PCDHGA8: variants seen among roughly 807,000 people sequenced by gnomAD.
The protein encoded by PCDHGA8 is protocadherin gamma-A8.
Under a neutral mutation model 59.2 loss-of-function variants are expected in PCDHGA8, and 45 were observed. That is an observed-to-expected ratio of 0.76 (90% CI 0.60 to 0.98). The LOEUF is 0.98. Ranked by LOEUF, PCDHGA8 falls within the 50% of genes least tolerant of loss-of-function variation. PCDHGA8 has a pLI of 0.00. For synonymous variants in PCDHGA8, 531 were observed against 519.0 expected, an observed-to-expected ratio of 1.02 and a Z score of -0.32; for missense variants, 1,257 against 1,196.2, an observed-to-expected ratio of 1.05 and a Z score of -0.75.
intron 1 of PCDHGA8, among the ~76,000 whole-genome samples, chr5:141,439,208 C>A: frequency 6.6e-6 from 1 of 151,294 alleles, no homozygotes. Flanking sequence ...AAAAAAAATC[C>A]ATATGTGAAA....
intron 1 of PCDHGA8, among the ~76,000 whole-genome samples, chr5:141,402,221 G>A (rs567791316): frequency 1.3e-5 from 2 of 151,942 alleles, no homozygotes; most frequent in Admixed American, 6.5e-5. Context: ...TAAAATAAAC[G>A]TTTTTCCAGG....
chr5:141,419,936 G>T, intron 1 of PCDHGA8: 2 of 1,614,074 alleles, frequency 1.2e-6, no homozygotes, highest in Non-Finnish European at 1.7e-6. Context: ...GTTTTACCTG[G>T]TGGTGGCCTT....
chr5:141,475,981 G>A, intron 1 of PCDHGA8: 1 of 1,042,940 alleles, frequency 9.6e-7, no homozygotes, highest in Non-Finnish European at 1.4e-6. Context: ...CTGAACAGCC[G>A]GCGAGCAAAT....
At position 141,489,754 on chromosome 5, in the gene PCDHGA8, C is replaced by G; in HGVS notation, c.2425-5053C>G. 1 of 1,614,110 alleles carries G rather than the reference C, an allele frequency of 6.2e-7. No homozygotes were observed. The highest frequency in any genetic ancestry group is 8.5e-7 in the Non-Finnish European group (1 of 1,179,972). ...CACCAATACTGTGAGCTTTTACACT[C>G]TAAGCCCCAACAGCCACTTCTCTCT... On this transcript the variant is annotated intron_variant, in intron 1 of 3. Coordinates refer to ENST00000398604, the MANE Select transcript of PCDHGA8 (RefSeq NM_032088.2). The surrounding 1 kb of genome is among the most constrained non-coding windows in gnomAD (Gnocchi z 4.5).
At chr5:141,441,797 G>T in intron 1 of PCDHGA8, 1 of 386,536 alleles carries the variant, frequency 2.6e-6, no homozygotes, top group Non-Finnish European at 5.2e-6. Context: ...ACAACGCACC[G>T]CGGGTGCTGT....
Position 141,443,030 on chromosome 5 carries a change from C to A in PCDHGA8, c.2424+47793C>A, listed in dbSNP as rs147317486. ...ATATGACTAATGGAAGTTGCCAGAC[C>A]TAAACTTTGAAAATTATTGTTCCAC... On this transcript the variant is annotated intron_variant, in intron 1 of 3. Transcript: ENST00000398604. Among the ~76,000 whole-genome samples, 31 of 152,290 alleles carry A rather than the reference C, an allele frequency of 2.0e-4. No individual in the cohort carries two copies. The East Asian group carries it at 3.5e-3, about 17-fold the overall frequency.
At chr5:141,408,969 C>G (rs1005367761) in intron 1 of PCDHGA8, 1 of 1,613,594 alleles carries the variant, frequency 6.2e-7, no homozygotes, top group African/African-American at 1.3e-5. Flanking sequence ...GAAAATCTGC[C>G]CCCTGGGTCC....
chr5:141,395,290 T>G, intron 1 of PCDHGA8, 53 bp downstream of exon 1: 1 of 1,529,838 alleles, frequency 6.5e-7, no homozygotes, highest in Non-Finnish European at 8.8e-7. Context: ...TTATTTGGCA[T>G]AAATTATGTT....
chr5:141,419,981 A>C, intron 1 of PCDHGA8: 2 of 1,614,052 alleles, frequency 1.2e-6, no homozygotes, highest in Non-Finnish European at 1.7e-6. Context: ...CCTCGCGGTG[A>C]TTCTAGCTAT....
intron 2 of PCDHGA8, among the ~76,000 whole-genome samples, chr5:141,502,186 CA>C (rs1470455379): frequency 1.3e-5 from 2 of 152,148 alleles, no homozygotes; most frequent in Non-Finnish European, 2.9e-5. Context: ...AACATTAATA[CA>C]ATAATATAGA....
chr5:141,409,060 G>C (rs1464240645), intron 1 of PCDHGA8: 1 of 1,614,000 alleles, frequency 6.2e-7, no homozygotes, highest in Non-Finnish European at 8.5e-7. Flanking sequence ...GCACTGCCCA[G>C]AGCACAAAAC....
At position 141,395,016 on chromosome 5, in the gene PCDHGA8, G is replaced by GTGCC. The variant is rs1354536790; in HGVS notation, c.2209_2212dup (p.Ser738CysfsTer8). The stretch of plus-strand genomic sequence containing the variant: ...GGATTCCGGTGGCAGATTGGTAGGC[G>GTGCC]TGCCTGCCTCACATTTTGTGGGTGT... On this transcript the variant is annotated frameshift_variant, in exon 1 of 4. Transcript: ENST00000398604. LOFTEE classifies it high-confidence loss of function. 1.2e-6 allele frequency: 2 copies of GTGCC among 1,613,950 alleles called. No individual in the cohort carries two copies. Among genetic ancestry groups the GTGCC allele is most frequent in the Non-Finnish European group, 1.7e-6 (2 of 1,179,990 alleles).
At position 141,394,887 on chromosome 5, in the gene PCDHGA8, T is replaced by C. The variant is rs781200096; in HGVS notation, c.2074T>C (p.Tyr692His). 63 of 1,613,752 alleles carry C rather than the reference T, an allele frequency of 3.9e-5. 1 individual carries two copies. In the Admixed American group the frequency reaches 1.0e-3, roughly 26 times the overall value. ...VDPNDSSLTL[Y>H]LVVAVAAISC... is the part of the protein sequence containing the mutation. ...CCCGAACGATTCGAGCCTTACACTC[T>C]ATCTCGTGGTGGCAGTGGCTGCCAT... is the stretch of plus-strand genomic sequence containing the variant. Residue 692 changes from tyrosine (Y) to histidine (H), a missense_variant, in exon 1 of 4, where the codon TAT becomes CAT. By Grantham distance (83) the Tyr-to-His change is moderately conservative. Coordinates refer to ENST00000398604, the MANE Select transcript of PCDHGA8 (RefSeq NM_032088.2).
At position 141,491,623 on chromosome 5, in the gene PCDHGA8, G is replaced by A. The variant is rs767724749; in HGVS notation, c.2425-3184G>A. The A allele has an allele frequency of 3.7e-6, 6 of 1,613,812 alleles. No homozygotes were observed. The highest frequency in any genetic ancestry group is 2.7e-5 in the African/African-American group (2 of 74,938). On this transcript the variant is annotated intron_variant, in intron 1 of 3. Transcript: ENST00000398604. This position sits in a 1 kb window ranked among gnomAD's most constrained non-coding sequence, Gnocchi z 6.9. ...CTTCACTTTTCTAAGACCCCTCAGC[G>A]TTCAGCAGCCCACAGCTCTGGCGCT...
intron 1 of PCDHGA8, among the ~76,000 whole-genome samples, chr5:141,433,697 CGTG>C (rs1176871032): frequency 6.6e-6 from 1 of 152,020 alleles, no homozygotes; most frequent in Non-Finnish European, 1.5e-5. Context: ...ATTAGCCGGG[CGTG>C]GTGGTGCATG....
intron 1 of PCDHGA8, chr5:141,410,657 G>A: frequency 1.9e-6 from 3 of 1,579,248 alleles, no homozygotes; most frequent in Non-Finnish European, 2.6e-6. Flanking sequence ...TTATCTAATA[G>A]TCTACTAGTT....
At chr5:141,422,229 G>C in intron 1 of PCDHGA8, 4 of 1,565,880 alleles carry the variant, frequency 2.6e-6, no homozygotes, top group Non-Finnish European at 3.4e-6. Flanking sequence ...CCACGACGAT[G>C]TTGATCACTG....
chr5:141,432,766 C>G lies in PCDHGA8; in HGVS notation c.2424+37529C>G. On this transcript the variant is annotated intron_variant, in intron 1 of 3. Transcript: ENST00000398604. This position sits in a 1 kb window ranked among gnomAD's most constrained non-coding sequence, Gnocchi z 6.0. Reference sequence around the variant, plus strand: ...CCGTGGCCGTGGCCGACAGCATCCCCCAAGTCCTGGCGGACCTCGGCAGCC... The same window carrying G: ...CCGTGGCCGTGGCCGACAGCATCCCGCAAGTCCTGGCGGACCTCGGCAGCC... 6.2e-7 allele frequency: 1 copy of G among 1,614,160 alleles called. No individual in the cohort carries two copies. The highest frequency in any genetic ancestry group is 8.5e-7 in the Non-Finnish European group (1 of 1,179,994).
At position 141,489,358 on chromosome 5, in the gene PCDHGA8, G is replaced by A; in HGVS notation, c.2425-5449G>A. On this transcript the variant is annotated intron_variant, in intron 1 of 3. Transcript: ENST00000398604. This position sits in a 1 kb window ranked among gnomAD's most constrained non-coding sequence, Gnocchi z 4.5. ...TCGTTACTCAGTGGTGGAGGAGTCT[G>A]AGCCGGGGACGCTGGTGGGGAATGT... 1 of 1,613,144 alleles carries A rather than the reference G, an allele frequency of 6.2e-7. No individual in the cohort carries two copies. The highest frequency in any genetic ancestry group is 8.5e-7 in the Non-Finnish European group (1 of 1,179,278).
Sources: gnomAD v4.1 joint callset for allele counts (sites outside exome capture counted in the v4.1 genomes callset) on GRCh38, gnomAD v4.1.1 for gene constraint, Gnocchi (gnomAD v3.1) non-coding constraint, MANE v1.5 for transcripts, NCBI Gene and HGNC (gene_info 2026-07-23, HGNC 2026-07-21) for gene names.